SNTG2: variants seen among roughly 807,000 people sequenced by gnomAD.
The protein encoded by SNTG2 is gamma-2-syntrophin.
In SNTG2, 74 loss-of-function variants were observed where a neutral mutation model predicts 70.9. The ratio of observed to expected loss-of-function variants is 1.04; its 90% CI spans 0.86 to 1.27. SNTG2 has a LOEUF of 1.27. Among genes scored for constraint, SNTG2 ranks in the 50% most tolerant of loss-of-function variants. The pLI is 0.00. For missense variants in SNTG2, 717 were observed against 690.7 expected (o/e 1.04, Z -0.43); for synonymous variants, 278 against 273.8 (o/e 1.02, Z -0.15).
In SNTG2 at chr2:1,083,514, A is replaced by G. The variant is rs1179648194; in HGVS notation, c.73-4A>G. The G allele has an allele frequency of 1.2e-6, 2 of 1,613,408 alleles. No homozygotes were observed. Among genetic ancestry groups the G allele is most frequent in the Non-Finnish European group, 1.7e-6 (2 of 1,179,582 alleles). ...TTTTTTGTGTTTCCACTTTGTCCCT[A>G]CAGACGAAAACCACTATTGCTCTGT... On this transcript the variant is annotated splice_polypyrimidine_tract_variant and splice_region_variant and intron_variant, in intron 1 of 16. Transcript: ENST00000308624.
At chr2:1,305,759 T>C (rs1680642932) in intron 14 of SNTG2, among the ~76,000 whole-genome samples, 2 of 152,222 alleles carry the variant, frequency 1.3e-5, no homozygotes, top group African/African-American at 2.4e-5. Context: ...GTTCCTTAGA[T>C]GAAAGCTTTC....
intron 2 of SNTG2, among the ~76,000 whole-genome samples, chr2:1,087,732 A>G (rs180749217): frequency 6.6e-6 from 1 of 152,374 alleles, no homozygotes; most frequent in East Asian, 1.9e-4. Context: ...TTCAAAAGGC[A>G]GGCAATTACA....
At chr2:1,115,619 G>A (rs1317348264) in intron 4 of SNTG2, among the ~76,000 whole-genome samples, 8 of 150,000 alleles carry the variant, frequency 5.3e-5, no homozygotes, top group African/African-American at 1.7e-4. Context: ...AGAATCGTAT[G>A]TACTAAGTGA....
intron 2 of SNTG2, among the ~76,000 whole-genome samples, chr2:1,095,205 A>G (rs952604622): frequency 4.6e-5 from 7 of 152,146 alleles, no homozygotes; most frequent in African/African-American, 9.7e-5. Flanking sequence ...TACAGGCCCT[A>G]CCTCCAATGC....
chr2:1,131,405 G>A (rs1668004258), intron 4 of SNTG2, among the ~76,000 whole-genome samples: 1 of 152,150 alleles, frequency 6.6e-6, no homozygotes, highest in South Asian at 2.1e-4. Context: ...CGGTGTGCAA[G>A]CTTCAAGTTG....
At chr2:1,164,204 G>T (rs1215653361) in intron 6 of SNTG2, among the ~76,000 whole-genome samples, 1 of 151,882 alleles carries the variant, frequency 6.6e-6, no homozygotes, top group Non-Finnish European at 1.5e-5. Context: ...GGCAGTCTCT[G>T]TGTAGAGGAG....
chr2:1,048,719 CAT>C (rs1318005069), intron 1 of SNTG2, among the ~76,000 whole-genome samples: 1 of 152,160 alleles, frequency 6.6e-6, no homozygotes, highest in Non-Finnish European at 1.5e-5. Flanking sequence ...TGAATGTGCA[CAT>C]GTTCAGCTTT....
rs984177568 is a variant in SNTG2 at position 1,137,596 on chromosome 2, C to T, written c.326-26C>T. The T allele has an allele frequency of 3.7e-6, 6 of 1,609,660 alleles. No homozygotes were observed. In the Admixed American group the frequency reaches 1.0e-4, roughly 27 times the overall value. ...CATGTCACTGAGATTTCTCTTAAAA[C>T]TGTTGCCACTTTTGCCACCCTGCAG... On this transcript the variant is annotated intron_variant, in intron 4 of 16. Transcript: ENST00000308624.
chr2:1,231,054 G>A (rs1487184414), intron 9 of SNTG2, among the ~76,000 whole-genome samples: 6 of 149,770 alleles, frequency 4.0e-5, no homozygotes, highest in East Asian at 2.0e-4. Context: ...GGGTCACTGC[G>A]AGGGTGAAAT....
intron 1 of SNTG2, among the ~76,000 whole-genome samples, chr2:1,058,787 T>C (rs771868288): frequency 1.3e-5 from 2 of 152,234 alleles, no homozygotes; most frequent in Non-Finnish European, 2.9e-5. Flanking sequence ...TGTACCTAAC[T>C]AATGGCACCT....
chr2:1,070,711 T>C lies in SNTG2; in HGVS notation c.73-12807T>C, dbSNP rs115361566. On this transcript the variant is annotated intron_variant, in intron 1 of 16. Coordinates refer to ENST00000308624, the MANE Select transcript of SNTG2 (RefSeq NM_018968.4). ...AGCCGCACGTTGAGAGTTACATTCA[T>C]GTTTAAGGTCCGGAAAGGAAGCTTC... Among the ~76,000 whole-genome samples the C allele has an allele frequency of 1.3e-3, 201 of 152,326 alleles. 1 individual carries two copies. Among genetic ancestry groups the C allele is most frequent in the Non-Finnish European group, 2.1e-3 (143 of 68,034 alleles).
At chr2:1,135,793 T>C (rs930553622) in intron 4 of SNTG2, among the ~76,000 whole-genome samples, 22 of 152,298 alleles carry the variant, frequency 1.4e-4, no homozygotes, top group African/African-American at 3.6e-4. Flanking sequence ...CTACTTTCCA[T>C]AAGTAGCTAA....
chr2:1,347,379 A>C (rs1330578436), intron 16 of SNTG2, among the ~76,000 whole-genome samples: 1 of 152,188 alleles, frequency 6.6e-6, no homozygotes, highest in Non-Finnish European at 1.5e-5. Flanking sequence ...AAAACCAAGG[A>C]GCCCTCAGGC....
At chr2:1,255,937 T>TATATAA (rs1678092933) in intron 12 of SNTG2, among the ~76,000 whole-genome samples, 2 of 67,834 alleles carry the variant, frequency 2.9e-5, no homozygotes, top group Non-Finnish European at 2.6e-5. Context: ...AATATATAAA[T>TATATAA]ATATATATAT....
At chr2:1,189,453 C>G (rs989703719) in intron 8 of SNTG2, among the ~76,000 whole-genome samples, 1 of 152,100 alleles carries the variant, frequency 6.6e-6, no homozygotes, top group Non-Finnish European at 1.5e-5. Flanking sequence ...GGGTCTTGTT[C>G]TTCTTGTTCT....
At chr2:999,124 C>T (rs1474063291) in intron 1 of SNTG2, among the ~76,000 whole-genome samples, 3 of 151,996 alleles carry the variant, frequency 2.0e-5, no homozygotes, top group Admixed American at 2.0e-4. Context: ...GAGACTGGCC[C>T]TGCAACAAAT....
chr2:1,122,621 A>C (rs1034002800), intron 4 of SNTG2, among the ~76,000 whole-genome samples: 4 of 152,068 alleles, frequency 2.6e-5, no homozygotes, highest in Admixed American at 1.3e-4. Context: ...AATCAATATG[A>C]ACAAACGCTT....
chr2:1,255,792 GTA>G (rs60809596), intron 12 of SNTG2, among the ~76,000 whole-genome samples: 66,534 of 128,930 alleles, frequency 0.52, 18,156 homozygotes, highest in Admixed American at 0.61. Flanking sequence ...GTGTGTGTGT[GTA>G]TATATATATA....
intron 7 of SNTG2, among the ~76,000 whole-genome samples, chr2:1,172,162 A>G (rs1438963529): frequency 6.6e-6 from 1 of 152,202 alleles, no homozygotes; most frequent in Non-Finnish European, 1.5e-5. Context: ...GGCTGGTGAC[A>G]GGTCCTCCTG....
Sources: allele counts gnomAD v4.1 joint callset (sites outside exome capture counted in the v4.1 genomes callset), GRCh38; gene constraint gnomAD v4.1.1; transcripts MANE v1.5; gene names NCBI Gene and HGNC (gene_info 2026-07-23, HGNC 2026-07-21).